The following MIOS variants were observed in gnomAD, a reference collection of about 807,000 sequenced individuals.
The protein encoded by MIOS is meiosis regulator for oocyte development.
Under a neutral mutation model 96.9 loss-of-function variants are expected in MIOS, and 52 were observed. The ratio of observed to expected loss-of-function variants is 0.54; its 90% CI spans 0.43 to 0.68. The LOEUF is 0.68. Ranked by LOEUF, MIOS falls within the 30% of genes least tolerant of loss-of-function variation. MIOS has a pLI of 0.00. For synonymous variants in MIOS, 397 were observed against 359.5 expected (o/e 1.10, Z -1.18); for missense variants, 1,005 against 1,052.8 (o/e 0.95, Z 0.63).
intron 11 of MIOS, among the ~76,000 whole-genome samples, chr7:7,603,320 A>T (rs1472593795): frequency 1.3e-5 from 2 of 152,050 alleles, no homozygotes; most frequent in Non-Finnish European, 2.9e-5. Context: ...TACTCATCTG[A>T]CAAAGGGCTA....
Position 7,600,095 on chromosome 7 carries a change from C to T in MIOS, c.2401+3634C>T, listed in dbSNP as rs185846590. Among the ~76,000 whole-genome samples, 54 of 151,918 alleles carry T rather than the reference C, an allele frequency of 3.6e-4. No homozygotes were observed. In the South Asian group the frequency reaches 7.9e-3, roughly 22 times the overall value. ...TTATTACCTGGATGATGAAATAATC[C>T]GTACACCAAAACCCCCATGACACGC... On this transcript the variant is annotated intron_variant, in intron 11 of 12. Coordinates refer to ENST00000340080, the MANE Select transcript of MIOS (RefSeq NM_019005.4).
At position 7,585,748 on chromosome 7, in the gene MIOS, T is replaced by C; in HGVS notation, c.1761T>C (p.Tyr587=). 1 of 1,612,412 alleles carries C rather than the reference T, an allele frequency of 6.2e-7. No individual in the cohort carries two copies. The part of the protein sequence containing the change: ...STLRLQLNNP[Y]LCVMFAFLTS... The stretch of plus-strand genomic sequence containing the variant: ...TGCGATTACAGCTAAATAACCCGTA[T>C]TTGTGTGTCATGTTTGCATTTCTGA... Residue 587 remains tyrosine (Y), a synonymous_variant, in exon 7 of 13, where the codon TAT becomes TAC. Coordinates refer to ENST00000340080, the MANE Select transcript of MIOS (RefSeq NM_019005.4).
intron 6 of MIOS, 121 bp from the exon 7 acceptor site, chr7:7,585,515 C>G: frequency 1.3e-6 from 1 of 769,104 alleles, no homozygotes; most frequent in Admixed American, 3.5e-5. Context: ...AACCCTTATT[C>G]TCTGAGCTCA....
At chr7:7,584,647 G>C (rs1783828278) in intron 6 of MIOS, among the ~76,000 whole-genome samples, 1 of 152,028 alleles carries the variant, frequency 6.6e-6, no homozygotes, top group Admixed American at 6.5e-5. Context: ...ATATAAAGCT[G>C]TTAAGAACAT....
At position 7,566,967 on chromosome 7, in the gene MIOS, G is replaced by A. The variant is rs1439292033; in HGVS notation, c.-326G>A. ...TCCCAGCCCAGTGGTCCAGGTCACGGGCCGCACGGCCGCGGCCGCCATCTT... is the reference window on the plus strand; with the variant it reads ...TCCCAGCCCAGTGGTCCAGGTCACGAGCCGCACGGCCGCGGCCGCCATCTT... On this transcript the variant is annotated 5_prime_UTR_variant, in exon 1 of 13. Transcript: ENST00000340080. The A allele has an allele frequency of 6.6e-6, 1 of 152,106 alleles. No homozygotes were observed. The highest frequency in any genetic ancestry group is 1.5e-5 in the Non-Finnish European group (1 of 67,986). The allele number at this position is 152,106 out of a possible 1,614,324, so 9.4% of individuals were successfully genotyped here. A position where few individuals can be genotyped will look rare whatever the true frequency, so the allele number is the denominator to read the frequency against.
chr7:7,577,795 G>T (rs1783585742), intron 5 of MIOS, among the ~76,000 whole-genome samples: 1 of 152,160 alleles, frequency 6.6e-6, no homozygotes, highest in Admixed American at 6.5e-5. Context: ...GGAGGTCGTA[G>T]GAAGAGGATA....
chr7:7,579,654 A>T (rs904664216), intron 5 of MIOS, among the ~76,000 whole-genome samples: 18 of 152,198 alleles, frequency 1.2e-4, no homozygotes, highest in Admixed American at 1.1e-3. Context: ...GCTAAAAAAT[A>T]AAAAAGTTCT....
chr7:7,584,941 T>A (rs940084205), intron 6 of MIOS, among the ~76,000 whole-genome samples: 4 of 152,192 alleles, frequency 2.6e-5, no homozygotes, highest in African/African-American at 4.8e-5. Flanking sequence ...AATGCAGTTC[T>A]GTGGTAATTC....
At chr7:7,574,302 A>C in intron 5 of MIOS, 106 bp downstream of exon 5, 1 of 802,102 alleles carries the variant, frequency 1.2e-6, no homozygotes, top group Non-Finnish European at 1.9e-6. Context: ...AGGATCATGT[A>C]CATAATTTTT....
In MIOS at chr7:7,572,412, CTTTTTA is replaced by C; in HGVS notation, c.-40-17_-40-12del. 1 of 1,263,478 alleles carries C rather than the reference CTTTTTA, an allele frequency of 7.9e-7. No individual in the cohort carries two copies. Among genetic ancestry groups the C allele is most frequent in the Non-Finnish European group, 1.1e-6 (1 of 921,866 alleles). The allele number at this position is 1,263,478 out of a possible 1,614,324, so 78.3% of individuals were successfully genotyped here. On this transcript the variant is annotated intron_variant, in intron 3 of 12. Transcript: ENST00000340080. The surrounding 1 kb of genome is among the most constrained non-coding windows in gnomAD (Gnocchi z 4.8). ...ATTATATTTTGCTGATATTTTAAAACTTTTTATTTTTAAACATTTTCAGTGAATGGA... is the reference window on the plus strand; with the variant it reads ...ATTATATTTTGCTGATATTTTAAAACTTTTTAAACATTTTCAGTGAATGGA...
chr7:7,579,068 C>T (rs764951734), intron 5 of MIOS, among the ~76,000 whole-genome samples: 3 of 152,144 alleles, frequency 2.0e-5, no homozygotes, highest in South Asian at 2.1e-4. Context: ...ATCAGTAAAA[C>T]GTTTTCTGTT....
chr7:7,604,764 G>A (rs538936886), intron 11 of MIOS, among the ~76,000 whole-genome samples: 2 of 152,230 alleles, frequency 1.3e-5, no homozygotes, highest in Non-Finnish European at 2.9e-5. Context: ...AGTTTCGTCA[G>A]AAAAATATAA....
Position 7,599,076 on chromosome 7 carries a change from G to A in MIOS, c.2401+2615G>A, listed in dbSNP as rs573854631. 2.3e-3 allele frequency among the ~76,000 whole-genome samples: 343 copies of A among 152,092 alleles called. 1 individual carries two copies. Among genetic ancestry groups the A allele is most frequent in the Middle Eastern group, 6.8e-3 (2 of 294 alleles). On this transcript the variant is annotated intron_variant, in intron 11 of 12. Transcript: ENST00000340080. ...AGCATAGTTAACGAATATAAAATAA[G>A]TGATATTTTCTAGAAAATAAATACT...
chr7:7,597,469 T>G (rs1269677950), intron 11 of MIOS, among the ~76,000 whole-genome samples: 1 of 2,224 alleles, frequency 4.5e-4, no homozygotes, highest in Admixed American at 2.3e-3. Context: ...CTAGTAAATT[T>G]ATATATATAT....
chr7:7,604,397 A>C (rs1394082222), intron 11 of MIOS, among the ~76,000 whole-genome samples: 1 of 152,188 alleles, frequency 6.6e-6, no homozygotes, highest in Non-Finnish European at 1.5e-5. Context: ...TGAAGATTAG[A>C]AATCTGTTGA....
In MIOS at chr7:7,583,351, G is replaced by A. The variant is rs1314264933; in HGVS notation, c.1627G>A (p.Glu543Lys). The change falls in exon 6 of 13, where the codon GAA becomes AAA. Residue 543 changes from glutamate (E) to lysine (K), a missense_variant. Coordinates refer to ENST00000340080, the MANE Select transcript of MIOS (RefSeq NM_019005.4). The part of the protein sequence containing the change: ...DIRRAIQILN[E>K]GASSEKGDLN... ...TCGCCGAGCAATCCAAATCCTGAAT[G>A]AAGGGGCATCTTCTGAAAAAGGTAT... 2 of 1,608,524 alleles carry A rather than the reference G, an allele frequency of 1.2e-6. No homozygotes were observed. Among genetic ancestry groups the A allele is most frequent in the Non-Finnish European group, 1.7e-6 (2 of 1,176,536 alleles).
chr7:7,582,902 C>G (rs1294224277), intron 5 of MIOS: 2 of 517,264 alleles, frequency 3.9e-6, no homozygotes, highest in Admixed American at 3.9e-5. Flanking sequence ...AGCATTTGCT[C>G]TTATTTCAGT....
chr7:7,574,259 C>G, intron 5 of MIOS, 63 bp downstream of exon 5: 2 of 1,255,922 alleles, frequency 1.6e-6, no homozygotes, highest in Non-Finnish European at 2.2e-6. Flanking sequence ...TATTTTGCCC[C>G]CTGTCATTTG....
At chr7:7,601,987 A>G (rs1185981387) in intron 11 of MIOS, among the ~76,000 whole-genome samples, 1 of 152,218 alleles carries the variant, frequency 6.6e-6, no homozygotes, top group African/African-American at 2.4e-5. Context: ...GATTATCTCA[A>G]TAGATGCAGA....
Sources: allele counts gnomAD v4.1 joint callset (sites outside exome capture counted in the v4.1 genomes callset), GRCh38; gene constraint gnomAD v4.1.1; non-coding constraint Gnocchi (gnomAD v3.1); transcripts MANE v1.5; gene names NCBI Gene and HGNC (gene_info 2026-07-23, HGNC 2026-07-21).